WNT9A: variants seen among roughly 807,000 people sequenced by gnomAD.
The protein encoded by WNT9A is Wnt family member 9A.
Under a neutral mutation model 31.4 loss-of-function variants are expected in WNT9A, and 8 were observed. That is an observed-to-expected ratio of 0.26 (90% CI 0.15 to 0.46). WNT9A has a LOEUF of 0.46. Among genes scored for constraint, WNT9A ranks in the 20% least tolerant of loss-of-function variants. The probability of loss-of-function intolerance (pLI) is 0.99; values close to 1 mark genes in which losing one functional copy is unlikely to be tolerated. For missense variants in WNT9A, 457 were observed against 522.9 expected (o/e 0.87, Z 1.23); for synonymous variants, 236 against 220.1 (o/e 1.07, Z -0.64).
chr1:227,919,509 G>A lies in WNT9A; in HGVS notation c.*2009C>T, dbSNP rs1320939044. Reference sequence around the variant, plus strand: ...ACCCCGGCTTTCTGGAGACCCTTAGGGCTCTGAGACACCTATTCACTCAGT... The same window carrying A: ...ACCCCGGCTTTCTGGAGACCCTTAGAGCTCTGAGACACCTATTCACTCAGT... On this transcript the variant is annotated 3_prime_UTR_variant, in exon 4 of 4. Coordinates refer to ENST00000272164, the MANE Select transcript of WNT9A (RefSeq NM_003395.4). The A allele has an allele frequency of 6.6e-6, 1 of 151,974 alleles. No homozygotes were observed. The highest frequency in any genetic ancestry group is 2.4e-5 in the African/African-American group (1 of 41,340). The allele number at this position is 151,974 out of a possible 1,614,324, so 9.4% of individuals were successfully genotyped here.
rs761587727 is a variant in WNT9A at position 227,924,254 on chromosome 1, C to T, written c.499G>A (p.Gly167Ser). Residue 167 changes from glycine (G) to serine (S), a missense_variant, in exon 3 of 4, where the codon GGC (glycine) becomes AGC (serine). Coordinates refer to ENST00000272164, the MANE Select transcript of WNT9A (RefSeq NM_003395.4). Reference sequence around the variant, plus strand: ...CTGTACTTAAGGTTGTCTCCGCAGCCCCCCCACTGCCAGGCCTCACGGTTC... The same window carrying T: ...CTGTACTTAAGGTTGTCTCCGCAGCTCCCCCACTGCCAGGCCTCACGGTTC... ...LENREAWQWG[G>S]CGDNLKYSSK... The T allele has an allele frequency of 1.2e-5, 19 of 1,613,886 alleles. No individual in the cohort carries two copies. Among genetic ancestry groups the T allele is most frequent in the East Asian group, 1.1e-4 (5 of 44,872 alleles).
At position 227,926,804 on chromosome 1, in the gene WNT9A, C is replaced by G. The variant is rs563697036; in HGVS notation, c.96-1285G>C. ...GGCTCCCCCCACACCCTCACATGGC[C>G]CTGCTAGACCCTGCCACCCACCCCG... On this transcript the variant is annotated intron_variant, in intron 1 of 3. Coordinates refer to ENST00000272164, the MANE Select transcript of WNT9A (RefSeq NM_003395.4). This position sits in a 1 kb window ranked among gnomAD's most constrained non-coding sequence, Gnocchi z 5.0. Among the ~76,000 whole-genome samples the G allele has an allele frequency of 6.6e-6, 1 of 152,158 alleles. No homozygotes were observed. The highest frequency in any genetic ancestry group is 2.4e-5 in the African/African-American group (1 of 41,540).
chr1:227,929,015 G>A (rs1005693304), intron 1 of WNT9A, among the ~76,000 whole-genome samples: 1 of 152,194 alleles, frequency 6.6e-6, no homozygotes, highest in Non-Finnish European at 1.5e-5. Context: ...ACGTGTGTGT[G>A]TGTGTCTGGA....
intron 1 of WNT9A, among the ~76,000 whole-genome samples, chr1:227,933,405 A>T (rs971923657): frequency 6.6e-6 from 1 of 152,180 alleles, no homozygotes; most frequent in Non-Finnish European, 1.5e-5. Context: ...TTCTATCCAG[A>T]CCACTCACAC....
intron 1 of WNT9A, among the ~76,000 whole-genome samples, chr1:227,936,013 T>C (rs1370572235): frequency 6.6e-6 from 1 of 152,192 alleles, no homozygotes; most frequent in Non-Finnish European, 1.5e-5. Flanking sequence ...ACTACCTCCA[T>C]GGCACCTTCA....
At chr1:227,932,739 C>A (rs1202246976) in intron 1 of WNT9A, among the ~76,000 whole-genome samples, 1 of 152,224 alleles carries the variant, frequency 6.6e-6, no homozygotes, top group Non-Finnish European at 1.5e-5. Context: ...CATCTCCTGG[C>A]ACATCTCCAC....
rs1297023452 is a variant in WNT9A, at chr1:227,924,356, G to A, written c.397C>T (p.Leu133=). The stretch of plus-strand genomic sequence containing the variant: ...CACGCCTTGGCCAGTGCGTGCGTCA[G>A]GCCAGCCGAGGAGATGGCATAGAGG... ...AFLYAISSAG[L]THALAKACSA... is the part of the protein sequence containing the mutation. The change falls in exon 3 of 4, where the codon CTG becomes TTG. Residue 133 remains leucine (L), a synonymous_variant. Transcript: ENST00000272164. The A allele has an allele frequency of 1.9e-6, 3 of 1,613,372 alleles. No individual in the cohort carries two copies. Among genetic ancestry groups the A allele is most frequent in the African/African-American group, 2.7e-5 (2 of 75,056 alleles).
At chr1:227,947,761 A>G in intron 1 of WNT9A, 32 bp downstream of exon 1, 1 of 968,796 alleles carries the variant, frequency 1.0e-6, no homozygotes, top group Non-Finnish European at 1.2e-6. Context: ...GCCCCCGCCC[A>G]CCAGTGCGCG....
chr1:227,923,961 G>A (rs1442309206), intron 3 of WNT9A, among the ~76,000 whole-genome samples, 177 bp downstream of exon 3: 4 of 152,064 alleles, frequency 2.6e-5, no homozygotes, highest in Admixed American at 2.0e-4. Context: ...TTATGGGCAC[G>A]AGAGGCTCCA....
chr1:227,919,722 C>CACACACAGAG lies in WNT9A; in HGVS notation c.*1795_*1796insCTCTGTGTGT, dbSNP rs55730500. ...ACACACACACACACACACACACACA[C>CACACACAGAG]AGACCATGCCAGCATGCATTTATAC... On this transcript the variant is annotated 3_prime_UTR_variant, in exon 4 of 4. Coordinates refer to ENST00000272164, the MANE Select transcript of WNT9A (RefSeq NM_003395.4). 12,207 of 145,648 alleles carry CACACACAGAG rather than the reference C, an allele frequency of 0.084. 560 individuals are homozygous for CACACACAGAG. The highest frequency in any genetic ancestry group is 0.13 in the South Asian group (591 of 4,560). 9.0% of individuals were successfully genotyped at this position (145,648 alleles called of 1,614,324 possible).
rs552421648 is a variant in WNT9A at position 227,926,428 on chromosome 1, G to A, written c.96-909C>T. 4.0e-5 allele frequency among the ~76,000 whole-genome samples: 6 copies of A among 151,500 alleles called. No individual in the cohort carries two copies. Among genetic ancestry groups the A allele is most frequent in the East Asian group, 2.0e-4 (1 of 5,072 alleles). Reference sequence around the variant, plus strand: ...CTTCACAAGGCTTCCCTCACACCCCGCCCTGGCCCAGCCCAGCCCATATCG... The same window carrying A: ...CTTCACAAGGCTTCCCTCACACCCCACCCTGGCCCAGCCCAGCCCATATCG... On this transcript the variant is annotated intron_variant, in intron 1 of 3. Coordinates refer to ENST00000272164, the MANE Select transcript of WNT9A (RefSeq NM_003395.4). This position sits in a 1 kb window ranked among gnomAD's most constrained non-coding sequence, Gnocchi z 5.0.
At chr1:227,922,824 C>A (rs1395643836) in intron 3 of WNT9A, among the ~76,000 whole-genome samples, 2 of 152,206 alleles carry the variant, frequency 1.3e-5, no homozygotes, top group Non-Finnish European at 2.9e-5. Flanking sequence ...AGCCAGGCGG[C>A]TCTGCTCCCA....
intron 1 of WNT9A, among the ~76,000 whole-genome samples, chr1:227,935,180 C>T (rs937401904): frequency 6.6e-6 from 1 of 151,420 alleles, no homozygotes; most frequent in Non-Finnish European, 1.5e-5. Flanking sequence ...AAACTGTGAC[C>T]CCAGCCACAG....
intron 1 of WNT9A, among the ~76,000 whole-genome samples, chr1:227,946,432 G>C (rs535399122): frequency 6.6e-6 from 1 of 152,350 alleles, no homozygotes; most frequent in East Asian, 1.9e-4. Flanking sequence ...GCCACGGTGA[G>C]TCACCGCGGA....
At chr1:227,933,066 C>T (rs1666538844) in intron 1 of WNT9A, among the ~76,000 whole-genome samples, 1 of 152,218 alleles carries the variant, frequency 6.6e-6, no homozygotes, top group Non-Finnish European at 1.5e-5. Flanking sequence ...ATTGACTTCT[C>T]CTCTCTAGCT....
intron 1 of WNT9A, among the ~76,000 whole-genome samples, chr1:227,943,825 T>A (rs1173415963): frequency 5.9e-5 from 9 of 151,942 alleles, no homozygotes; most frequent in African/African-American, 1.7e-4. Context: ...AAATAAAATT[T>A]AAAAAAATTA....
At chr1:227,945,413 G>C (rs1490465021) in intron 1 of WNT9A, among the ~76,000 whole-genome samples, 2 of 152,296 alleles carry the variant, frequency 1.3e-5, no homozygotes, top group East Asian at 3.9e-4. Context: ...GGTCCAGCCT[G>C]GTGGCCAGAG....
rs1207325235 is a variant in WNT9A, at chr1:227,925,634, G to A, written c.96-115C>T. The A allele has an allele frequency of 7.1e-7, 1 of 1,399,618 alleles. No individual in the cohort carries two copies. 86.7% of individuals were successfully genotyped at this position (1,399,618 alleles called of 1,614,324 possible). A position where few individuals can be genotyped will look rare whatever the true frequency, so the allele number is the denominator to read the frequency against. ...GGCGTGTCCATCCGGGGGTGAGGGG[G>A]CAGAAAGAATCCAGGATGAGCCAGG... On this transcript the variant is annotated intron_variant, in intron 1 of 3. Coordinates refer to ENST00000272164, the MANE Select transcript of WNT9A (RefSeq NM_003395.4). This position sits in a 1 kb window ranked among gnomAD's most constrained non-coding sequence, Gnocchi z 6.0.
At chr1:227,946,174 T>C (rs1666789906) in intron 1 of WNT9A, among the ~76,000 whole-genome samples, 1 of 152,208 alleles carries the variant, frequency 6.6e-6, no homozygotes, top group African/African-American at 2.4e-5. Flanking sequence ...AGCCTGGACT[T>C]ACTGTCTGCA....
Sources: allele counts gnomAD v4.1 joint callset (sites outside exome capture counted in the v4.1 genomes callset), GRCh38; gene constraint gnomAD v4.1.1; non-coding constraint Gnocchi (gnomAD v3.1); transcripts MANE v1.5; gene names NCBI Gene and HGNC (gene_info 2026-07-23, HGNC 2026-07-21).